The following ATG2B variants were observed in gnomAD, a reference collection of about 807,000 sequenced individuals.
The protein encoded by ATG2B is autophagy related 2B, also known as autophagy-related protein 2 homolog B.
In ATG2B, 121 loss-of-function variants were observed where a neutral mutation model predicts 241.3. The observed-to-expected ratio is 0.50, with a 90% CI of 0.43 to 0.58. The LOEUF (loss-of-function observed/expected upper bound fraction) is 0.58, where lower values mean the gene tolerates loss of function less well. Ranked by LOEUF, ATG2B falls within the 20% of genes least tolerant of loss-of-function variation. The pLI is 0.00. For missense variants in ATG2B, 2,306 were observed against 2,491.6 expected (o/e 0.93, Z 1.59); for synonymous variants, 858 against 876.6 (o/e 0.98, Z 0.37).
intron 15 of ATG2B, 45 bp downstream of exon 15, chr14:96,325,604 G>GT: frequency 6.5e-7 from 1 of 1,546,410 alleles, no homozygotes; most frequent in Non-Finnish European, 8.7e-7. Context: ...AGTAGCAGTT[G>GT]TTTGTTATCT....
In ATG2B at chr14:96,295,130, C is replaced by T. The variant is rs1886596361; in HGVS notation, c.5256G>A (p.Leu1752=). The T allele has an allele frequency of 1.2e-6, 2 of 1,614,162 alleles. No homozygotes were observed. The highest frequency in any genetic ancestry group is 8.5e-7 in the Non-Finnish European group (1 of 1,180,022). ...CCTTTGAGGTACTCAAATGCCTTGG[C>T]AAACTGCAGGTGACATCAGCTCCAG... ...KSPGADVTCS[L]PRHLSTSKEP... is the part of the protein sequence containing the mutation. Residue 1752 remains leucine, a synonymous_variant, in exon 36 of 42, where the codon TTG becomes TTA. Coordinates refer to ENST00000359933, the MANE Select transcript of ATG2B (RefSeq NM_018036.7).
intron 1 of ATG2B, among the ~76,000 whole-genome samples, chr14:96,359,527 G>C (rs1159806339): frequency 2.0e-5 from 3 of 152,112 alleles, no homozygotes; most frequent in Admixed American, 2.0e-4. Flanking sequence ...TAAATGTACT[G>C]AATCGATTAA....
At position 96,303,261 on chromosome 14, in the gene ATG2B, C is replaced by A. The variant is rs771387431; in HGVS notation, c.4843-6G>T. ...ACTTCATGCTGAAACTTCACCTTAA[C>A]GGGTAAGGAGGAAGAACGCGGAACA... On this transcript the variant is annotated splice_region_variant and splice_polypyrimidine_tract_variant and intron_variant, in intron 32 of 41. Coordinates refer to ENST00000359933, the MANE Select transcript of ATG2B (RefSeq NM_018036.7). 6.5e-7 allele frequency: 1 copy of A among 1,548,756 alleles called. No individual in the cohort carries two copies.
intron 6 of ATG2B, among the ~76,000 whole-genome samples, chr14:96,335,491 T>A (rs1223588251): frequency 6.6e-6 from 1 of 152,160 alleles, no homozygotes. Context: ...AGTGCTTTTA[T>A]ATATATTTCC....
chr14:96,291,986 A>G (rs757714567), intron 37 of ATG2B, 43 bp downstream of exon 37: 6 of 1,325,730 alleles, frequency 4.5e-6, no homozygotes, highest in African/African-American at 4.4e-5. Context: ...CATTAGAGAA[A>G]CATATGATAA....
chr14:96,290,084 G>T lies in ATG2B; in HGVS notation c.5857-279C>A. On this transcript the variant is annotated intron_variant, in intron 40 of 41. Coordinates refer to ENST00000359933, the MANE Select transcript of ATG2B (RefSeq NM_018036.7). The surrounding 1 kb of genome is among the most constrained non-coding windows in gnomAD (Gnocchi z 4.4). ...CAACATTTCCACATCAGTCTATGGA[G>T]CTTAATACTTACTAGAATGATCTTT... 1 of 1,207,772 alleles carries T rather than the reference G, an allele frequency of 8.3e-7. No homozygotes were observed. Among genetic ancestry groups the T allele is most frequent in the Non-Finnish European group, 1.1e-6 (1 of 947,536 alleles). The allele number at this position is 1,207,772 out of a possible 1,614,324, so 74.8% of individuals were successfully genotyped here. A position where few individuals can be genotyped will look rare whatever the true frequency, so the allele number is the denominator to read the frequency against.
intron 21 of ATG2B, among the ~76,000 whole-genome samples, 186 bp from the exon 22 acceptor site, chr14:96,315,769 T>C (rs1566722790): frequency 6.6e-6 from 1 of 152,182 alleles, no homozygotes; most frequent in Non-Finnish European, 1.5e-5. Flanking sequence ...TGACTGACCG[T>C]ACACAGCTTA....
At chr14:96,306,262 T>C (rs756961856) in intron 30 of ATG2B, among the ~76,000 whole-genome samples, 10 of 152,188 alleles carry the variant, frequency 6.6e-5, no homozygotes, top group Admixed American at 2.6e-4. Context: ...TGTAAACAAA[T>C]ACGGTCACCT....
rs975615619 is a variant in ATG2B at position 96,322,103 on chromosome 14, T to C, written c.2879+9A>G. The C allele has an allele frequency of 6.6e-7, 1 of 1,519,584 alleles. No homozygotes were observed. The highest frequency in any genetic ancestry group is 1.4e-5 in the African/African-American group (1 of 68,970). 94.1% of individuals were successfully genotyped at this position (1,519,584 alleles called of 1,614,324 possible). A position where few individuals can be genotyped will look rare whatever the true frequency, so the allele number is the denominator to read the frequency against. On this transcript the variant is annotated intron_variant, in intron 18 of 41. Coordinates refer to ENST00000359933, the MANE Select transcript of ATG2B (RefSeq NM_018036.7). ...TTCCAAAGATTCAACTAAATGTGTA[T>C]AAACTCACCTATTATAAAGCTTCTC...
chr14:96,333,105 G>A (rs1887783191), intron 8 of ATG2B, among the ~76,000 whole-genome samples: 1 of 152,022 alleles, frequency 6.6e-6, no homozygotes, highest in Non-Finnish European at 1.5e-5. Context: ...TTACTCTCAT[G>A]CAAATGAAGT....
At chr14:96,291,046 T>C in intron 38 of ATG2B, 111 bp from the exon 39 acceptor site, 1 of 884,840 alleles carries the variant, frequency 1.1e-6, no homozygotes, top group Admixed American at 3.2e-5. Context: ...TAAGGGCAAA[T>C]ATTACAGGTG....
chr14:96,340,103 A>ATATATATATCATATATATC (rs1566731488), intron 6 of ATG2B, among the ~76,000 whole-genome samples: 1 of 103,838 alleles, frequency 9.6e-6, no homozygotes. Context: ...TGCTATATAG[A>ATATATATATCATATATATC]ATATATGATA....
intron 16 of ATG2B, among the ~76,000 whole-genome samples, chr14:96,323,198 A>G (rs1887503202): frequency 6.6e-6 from 1 of 152,206 alleles, no homozygotes; most frequent in Non-Finnish European, 1.5e-5. Context: ...TCTAACAACA[A>G]AGTTATGTTT....
chr14:96,340,713 G>T (rs954394375), intron 6 of ATG2B, among the ~76,000 whole-genome samples: 1 of 152,104 alleles, frequency 6.6e-6, no homozygotes, highest in Non-Finnish European at 1.5e-5. Context: ...AGGAGTTCAA[G>T]ACCAGCCTGG....
chr14:96,311,306 A>T lies in ATG2B; in HGVS notation c.3991-19T>A. 6.3e-7 allele frequency: 1 copy of T among 1,584,536 alleles called. No homozygotes were observed. Among genetic ancestry groups the T allele is most frequent in the Non-Finnish European group, 8.6e-7 (1 of 1,167,282 alleles). ...GCTCAGTCTGGACAAGACACAGAAA[A>T]AGGGATGAAAATGTTTTCCAAATGA... is the stretch of plus-strand genomic sequence containing the variant. On this transcript the variant is annotated intron_variant, in intron 27 of 41. Transcript: ENST00000359933.
intron 10 of ATG2B, 143 bp from the exon 11 acceptor site, chr14:96,331,780 A>G (rs1009864532): frequency 1.6e-5 from 11 of 693,538 alleles, no homozygotes; most frequent in Admixed American, 1.1e-4. Context: ...AATTTAAGTA[A>G]AATCAACTGC....
chr14:96,300,032 C>T (rs533498993), intron 34 of ATG2B, among the ~76,000 whole-genome samples: 7 of 152,240 alleles, frequency 4.6e-5, no homozygotes, highest in African/African-American at 7.2e-5. Context: ...ACCTCATTAA[C>T]GCTTACATAT....
intron 6 of ATG2B, among the ~76,000 whole-genome samples, chr14:96,339,345 A>C (rs1887950172): frequency 6.6e-6 from 1 of 151,278 alleles, no homozygotes; most frequent in Admixed American, 6.6e-5. Context: ...TATATACACA[A>C]ACATATATAT....
At chr14:96,305,436 A>G (rs1886914737) in intron 31 of ATG2B, among the ~76,000 whole-genome samples, 153 bp downstream of exon 31, 2 of 152,250 alleles carry the variant, frequency 1.3e-5, no homozygotes, top group African/African-American at 4.8e-5. Context: ...AGTAACATTT[A>G]AATTACAGTT....
Sources: gnomAD v4.1 joint callset for allele counts (sites outside exome capture counted in the v4.1 genomes callset) on GRCh38, gnomAD v4.1.1 for gene constraint, Gnocchi (gnomAD v3.1) non-coding constraint, MANE v1.5 for transcripts, NCBI Gene and HGNC (gene_info 2026-07-23, HGNC 2026-07-21) for gene names.